The following USP32 variants were observed in gnomAD, a reference collection of about 807,000 sequenced individuals.
USP32 encodes ubiquitin specific peptidase 32.
USP32 carries 59 observed loss-of-function variants against 204.8 expected under a neutral mutation model. The observed-to-expected ratio is 0.29, with a 90% CI of 0.23 to 0.36. The LOEUF (loss-of-function observed/expected upper bound fraction) is 0.36. Among genes scored for constraint, USP32 ranks in the 10% least tolerant of loss-of-function variants. USP32 has a pLI of 1.00. For missense variants in USP32, 1,160 were observed against 1,946.4 expected (o/e 0.60, Z 7.60); for synonymous variants, 517 against 678.4 (o/e 0.76, Z 3.70).
chr17:60,220,360 A>G (rs2085212343), intron 15 of USP32, among the ~76,000 whole-genome samples: 1 of 152,182 alleles, frequency 6.6e-6, no homozygotes, highest in Admixed American at 6.5e-5. Context: ...TTAAATTTTT[A>G]TTTTTTGTAC....
chr17:60,234,757 T>G lies in USP32; in HGVS notation c.1239+1381A>C, dbSNP rs562948202. Among the ~76,000 whole-genome samples, 230 of 152,020 alleles carry G rather than the reference T, an allele frequency of 1.5e-3. 1 individual carries two copies. The highest frequency in any genetic ancestry group is 5.1e-3 in the African/African-American group (210 of 41,400). On this transcript the variant is annotated intron_variant, in intron 12 of 33. Coordinates refer to ENST00000300896, the MANE Select transcript of USP32 (RefSeq NM_032582.4). Reference sequence around the variant, plus strand: ...GAAAAAAAAAAATTTTTTTTTGTTTTGTAGAGATGGAGTCTCACTATGTTG... The same window carrying G: ...GAAAAAAAAAAATTTTTTTTTGTTTGGTAGAGATGGAGTCTCACTATGTTG...
At chr17:60,392,635 A>G (rs1567894175), upstream of USP32, 1 of 451,508 alleles carries the variant, frequency 2.2e-6, no homozygotes, top group Admixed American at 2.4e-5. Flanking sequence ...TCAGAAGAGA[A>G]AGGAGTGGGT....
chr17:60,373,284 G>A (rs1183061292), intron 1 of USP32, among the ~76,000 whole-genome samples: 1 of 152,090 alleles, frequency 6.6e-6, no homozygotes, highest in African/African-American at 2.4e-5. Flanking sequence ...GTTGTTCTGG[G>A]TGAGTCAGTG....
At chr17:60,385,354 T>C (rs1191575219) in intron 1 of USP32, among the ~76,000 whole-genome samples, 2 of 152,202 alleles carry the variant, frequency 1.3e-5, no homozygotes, top group African/African-American at 2.4e-5. Flanking sequence ...AAAACCTTCA[T>C]TGCTCACACA....
intron 1 of USP32, among the ~76,000 whole-genome samples, chr17:60,388,289 T>TACACACACACACACACACACACACACAC (rs35068599): frequency 2.7e-4 from 39 of 142,014 alleles, no homozygotes; most frequent in African/African-American, 1.0e-3. Context: ...AGCCGATTCT[T>TACACACACACACACACACACACACACAC]ACACACACAC....
chr17:60,196,870 G>T (rs538309590), intron 27 of USP32, among the ~76,000 whole-genome samples: 20 of 151,906 alleles, frequency 1.3e-4, no homozygotes, highest in Middle Eastern at 3.5e-3. Flanking sequence ...TTTAAGTAAA[G>T]ATTTATTTAA....
At chr17:60,355,739 G>A (rs1259111498) in intron 1 of USP32, among the ~76,000 whole-genome samples, 2 of 151,158 alleles carry the variant, frequency 1.3e-5, no homozygotes, top group African/African-American at 4.9e-5. Context: ...AGGAGACTAA[G>A]GTGGGAGGAT....
rs1272701571 is a variant in USP32, at chr17:60,179,414, A to T, written c.4656T>A (p.Asp1552Glu). 2 of 1,612,336 alleles carry T rather than the reference A, an allele frequency of 1.2e-6. No homozygotes were observed. The highest frequency in any genetic ancestry group is 1.3e-5 in the African/African-American group (1 of 74,994). ...NDSSCKELHP[D>E]EIDTDSAYIL... is the part of the protein sequence containing the mutation. ...TGTAGGCAGAGTCGGTGTCAATTTC[A>T]TCCGGGTGAAGTTCCTGAAAGGGCA... The change falls in exon 34 of 34, where the codon GAT becomes GAA. Residue 1552 changes from aspartate (D) to glutamate (E), a missense_variant. Coordinates refer to ENST00000300896, the MANE Select transcript of USP32 (RefSeq NM_032582.4).
At chr17:60,212,926 G>T (rs569285870) in intron 18 of USP32, among the ~76,000 whole-genome samples, 1 of 152,132 alleles carries the variant, frequency 6.6e-6, no homozygotes, top group African/African-American at 2.4e-5. Flanking sequence ...GCTAATTTTT[G>T]TATTTTTAGC....
intron 1 of USP32, chr17:60,421,536 C>G: frequency 5.1e-6 from 5 of 985,474 alleles, no homozygotes; most frequent in Non-Finnish European, 6.0e-6. Context: ...GAAGGAAGGT[C>G]CGGGAGAAGG....
chr17:60,260,338 T>C (rs948997548), intron 9 of USP32, among the ~76,000 whole-genome samples: 4 of 151,998 alleles, frequency 2.6e-5, no homozygotes, highest in African/African-American at 7.2e-5. Flanking sequence ...CTGGCCAACA[T>C]GGTGAAACCT....
intron 12 of USP32, among the ~76,000 whole-genome samples, chr17:60,232,210 T>C (rs1355550246): frequency 6.8e-6 from 1 of 147,016 alleles, no homozygotes; most frequent in African/African-American, 2.5e-5. Flanking sequence ...TCTCACTCTG[T>C]CATCCAGGAT....
chr17:60,381,363 C>T (rs558344976), intron 1 of USP32, among the ~76,000 whole-genome samples: 1 of 150,852 alleles, frequency 6.6e-6, no homozygotes, highest in South Asian at 2.1e-4. Flanking sequence ...ATTGCATGAG[C>T]GCAGGAAGTA....
At chr17:60,332,853 T>C (rs745761040) in intron 2 of USP32, among the ~76,000 whole-genome samples, 2 of 152,240 alleles carry the variant, frequency 1.3e-5, no homozygotes, top group African/African-American at 4.8e-5. Flanking sequence ...GATTCATTCA[T>C]GTTGTTGCAT....
intron 12 of USP32, among the ~76,000 whole-genome samples, chr17:60,234,782 G>A (rs144376024): frequency 0.034 from 5,079 of 150,650 alleles, 138 homozygotes; most frequent in South Asian, 0.072. Flanking sequence ...TCACTATGTT[G>A]CCCAGGCTGG....
At chr17:60,249,401 C>CTAA (rs949600685) in intron 11 of USP32, 70 of 257,090 alleles carry the variant, frequency 2.7e-4, no homozygotes, top group South Asian at 5.0e-4. Flanking sequence ...AGAAAGCTTG[C>CTAA]TAAGGCTCAC....
intron 2 of USP32, among the ~76,000 whole-genome samples, chr17:60,312,517 C>A (rs971273907): frequency 2.6e-5 from 4 of 151,964 alleles, no homozygotes; most frequent in African/African-American, 9.7e-5. Context: ...CCTTGACCTC[C>A]CAGGCTCAAG....
At chr17:60,329,990 TG>T (rs1386061584) in intron 2 of USP32, among the ~76,000 whole-genome samples, 3 of 152,240 alleles carry the variant, frequency 2.0e-5, no homozygotes, top group Non-Finnish European at 4.4e-5. Context: ...AGCTTCACAC[TG>T]GTTTAAAATA....
chr17:60,415,972 T>C (rs2090058779), intron 1 of USP32, among the ~76,000 whole-genome samples: 1 of 152,160 alleles, frequency 6.6e-6, no homozygotes, highest in African/African-American at 2.4e-5. Flanking sequence ...CCTGAGTAGC[T>C]ATGACTACAG....
Sources: allele counts gnomAD v4.1 joint callset (sites outside exome capture counted in the v4.1 genomes callset), GRCh38; gene constraint gnomAD v4.1.1; transcripts MANE v1.5; gene names NCBI Gene and HGNC (gene_info 2026-07-23, HGNC 2026-07-21).